Variants in FDFT1 observed in about 807,000 individuals in gnomAD.
FDFT1 encodes the protein farnesyl-diphosphate farnesyltransferase 1, also known as squalene synthase.
FDFT1 carries 68 observed loss-of-function variants against 46.8 expected under a neutral mutation model. That is an observed-to-expected ratio of 1.45 (90% CI 1.19 to 1.78). FDFT1 has a LOEUF of 1.78. FDFT1 is among the 40% of genes most tolerant of loss of function. The pLI is 0.00. For missense variants in FDFT1, 928 were observed against 524.4 expected (o/e 1.77, Z -7.52); for synonymous variants, 351 against 185.1 (o/e 1.90, Z -7.28).
At chr8:11,801,721 T>G, upstream of FDFT1, 1 of 311,788 alleles carries the variant, frequency 3.2e-6, no homozygotes, top group Non-Finnish European at 6.3e-6. Context: ...GGAGACGTAG[T>G]CTTGCTCTGT....
rs1302200831 is a variant in FDFT1, at chr8:11,807,403, T to C, written c.100-1391T>C. ...CCCTCAAATTCCTGGGCTCAAGTGA[T>C]TCTCCCACCTTGGCCTTCCGAAGTG... On this transcript the variant is annotated intron_variant, in intron 1 of 7. Transcript: ENST00000220584. Among the ~76,000 whole-genome samples the C allele has an allele frequency of 2.0e-5, 3 of 152,190 alleles. No individual in the cohort carries two copies. In the East Asian group the frequency reaches 5.8e-4, roughly 29 times the overall value.
chr8:11,796,716 A>G (rs984411579), intron 1 of FDFT1, among the ~76,000 whole-genome samples: 2 of 152,196 alleles, frequency 1.3e-5, no homozygotes, highest in Non-Finnish European at 2.9e-5. Flanking sequence ...TCTGAGTTGC[A>G]AGAGTCCTGA....
At chr8:11,807,718 G>C (rs1006683441) in intron 1 of FDFT1, among the ~76,000 whole-genome samples, 5 of 152,366 alleles carry the variant, frequency 3.3e-5, no homozygotes, top group South Asian at 2.1e-4. Flanking sequence ...GTAAAGGTCA[G>C]TGCGCTGCAT....
intron 1 of FDFT1, among the ~76,000 whole-genome samples, chr8:11,805,377 C>A (rs1011681323): frequency 1.3e-5 from 2 of 152,176 alleles, no homozygotes; most frequent in African/African-American, 4.8e-5. Flanking sequence ...GCATATGCCG[C>A]CTGCAAGTTG....
chr8:11,830,215 C>T (rs540916846), intron 5 of FDFT1, 29 bp from the exon 6 acceptor site: 1 of 1,577,756 alleles, frequency 6.3e-7, no homozygotes, highest in Admixed American at 1.7e-5. Flanking sequence ...CACACGCTGA[C>T]CTGTTCCTTA....
chr8:11,835,002 T>C (rs1405915460), intron 7 of FDFT1, among the ~76,000 whole-genome samples: 2 of 152,132 alleles, frequency 1.3e-5, no homozygotes, highest in African/African-American at 4.8e-5. Context: ...TGCACACTTG[T>C]CATCCCAGCT....
chr8:11,833,896 T>C (rs1811200709), intron 7 of FDFT1, among the ~76,000 whole-genome samples: 1 of 152,266 alleles, frequency 6.6e-6, no homozygotes, highest in Non-Finnish European at 1.5e-5. Flanking sequence ...TAAGTTGATT[T>C]GATTTAGGGA....
chr8:11,805,883 C>G (rs758750579), intron 1 of FDFT1, among the ~76,000 whole-genome samples: 11 of 152,162 alleles, frequency 7.2e-5, no homozygotes, highest in African/African-American at 1.9e-4. Flanking sequence ...GACTATGGGC[C>G]TGTGAGACCT....
At chr8:11,817,602 A>G (rs1439731234) in intron 3 of FDFT1, among the ~76,000 whole-genome samples, 1 of 152,144 alleles carries the variant, frequency 6.6e-6, no homozygotes, top group Non-Finnish European at 1.5e-5. Context: ...GGGAGAGTGT[A>G]TGTGTCGAGG....
chr8:11,796,509 G>A (rs956478739), intron 1 of FDFT1, among the ~76,000 whole-genome samples: 1 of 152,240 alleles, frequency 6.6e-6, no homozygotes, highest in African/African-American at 2.4e-5. Flanking sequence ...TTCGGAGCTT[G>A]CTGTAGTAAG....
At chr8:11,823,855 C>T (rs1366122863) in intron 4 of FDFT1, among the ~76,000 whole-genome samples, 1 of 152,156 alleles carries the variant, frequency 6.6e-6, no homozygotes, top group Non-Finnish European at 1.5e-5. Flanking sequence ...GCAGTCCTCT[C>T]ACCTCAGCCT....
At position 11,821,889 on chromosome 8, in the gene FDFT1, T is replaced by C. The variant is rs762896846; in HGVS notation, c.510+11T>C. The C allele has an allele frequency of 2.5e-6, 4 of 1,611,578 alleles. No individual in the cohort carries two copies. In the East Asian group the frequency reaches 8.9e-5, roughly 36 times the overall value. ...CAGGAGTGGGACAAGGTTAGTCTCA[T>C]AAAACAGTGTCTGTGTGTGATGTAT... On this transcript the variant is annotated intron_variant, in intron 4 of 7. Transcript: ENST00000220584.
chr8:11,818,120 C>G (rs1416625850), intron 3 of FDFT1, among the ~76,000 whole-genome samples: 1 of 152,044 alleles, frequency 6.6e-6, no homozygotes, highest in Non-Finnish European at 1.5e-5. Context: ...CGTTATGTAC[C>G]CAGTAGTCAT....
At chr8:11,804,600 C>CT (rs5889385) in intron 1 of FDFT1, among the ~76,000 whole-genome samples, 18,805 of 97,296 alleles carry the variant, frequency 0.19, 2,676 homozygotes, top group African/African-American at 0.26. Flanking sequence ...CTTAGTTTCT[C>CT]TTTTTTTTTT....
upstream of FDFT1, among the ~76,000 whole-genome samples, chr8:11,800,612 A>T (rs1806018627): frequency 6.6e-6 from 1 of 152,216 alleles, no homozygotes. Flanking sequence ...ACAGGCTATG[A>T]CCTAATGCTT....
At chr8:11,800,989 G>A (rs1401392115), upstream of FDFT1, among the ~76,000 whole-genome samples, 2 of 152,142 alleles carry the variant, frequency 1.3e-5, no homozygotes, top group African/African-American at 4.8e-5. Flanking sequence ...ATAAGTAAAT[G>A]ATGTATTAGA....
At chr8:11,813,278 C>G (rs1249197021) in intron 3 of FDFT1, among the ~76,000 whole-genome samples, 1 of 152,150 alleles carries the variant, frequency 6.6e-6, no homozygotes, top group African/African-American at 2.4e-5. Context: ...AGAAGTCTAC[C>G]TGTAAACATA....
chr8:11,824,640 C>G (rs1410480968), intron 4 of FDFT1, among the ~76,000 whole-genome samples: 1 of 152,010 alleles, frequency 6.6e-6, no homozygotes, highest in Non-Finnish European at 1.5e-5. Context: ...GTTAAATCGA[C>G]TTCTTTGTGC....
chr8:11,821,212 A>T (rs1809191161), intron 3 of FDFT1, among the ~76,000 whole-genome samples: 1 of 152,378 alleles, frequency 6.6e-6, no homozygotes, highest in Non-Finnish European at 1.5e-5. Flanking sequence ...TGAAATGTGT[A>T]GTGAGACTTT....
Sources: allele counts gnomAD v4.1 joint callset (sites outside exome capture counted in the v4.1 genomes callset), GRCh38; gene constraint gnomAD v4.1.1; transcripts MANE v1.5; gene names NCBI Gene and HGNC (gene_info 2026-07-23, HGNC 2026-07-21).